Variants in NWD1 observed in about 807,000 individuals in gnomAD.
NWD1 encodes NACHT and WD repeat domain containing 1, also known as NACHT domain- and WD repeat-containing protein 1.
NWD1 carries 129 observed loss-of-function variants against 135.1 expected under a neutral mutation model. The ratio of observed to expected loss-of-function variants is 0.96; its 90% CI spans 0.83 to 1.11. The LOEUF (loss-of-function observed/expected upper bound fraction) is 1.11. NWD1 is among the 50% of genes least tolerant of loss of function. The pLI is 0.00. For synonymous variants in NWD1, 773 were observed against 786.0 expected, an observed-to-expected ratio of 0.98 and a Z score of 0.28; for missense variants, 1,740 against 1,851.3, an observed-to-expected ratio of 0.94 and a Z score of 1.10.
intron 17 of NWD1, among the ~76,000 whole-genome samples, chr19:16,802,496 A>T (rs1257925530): frequency 7.0e-6 from 1 of 143,252 alleles, no homozygotes. Flanking sequence ...GGAAGCTAGC[A>T]CTTCCCTCTC....
At chr19:16,755,763 C>G (rs1169550920) in intron 6 of NWD1, among the ~76,000 whole-genome samples, 1 of 151,542 alleles carries the variant, frequency 6.6e-6, no homozygotes, top group Non-Finnish European at 1.5e-5. Flanking sequence ...CTCTCAAACT[C>G]CTGGGCTCAA....
At chr19:16,729,739 T>G (rs1205682271) in intron 2 of NWD1, among the ~76,000 whole-genome samples, 1 of 150,754 alleles carries the variant, frequency 6.6e-6, no homozygotes, top group Non-Finnish European at 1.5e-5. Context: ...TGTGGTGGTG[T>G]GCGCCTGTAA....
intron 18 of NWD1, among the ~76,000 whole-genome samples, chr19:16,813,572 G>A (rs763927023): frequency 4.6e-5 from 7 of 152,038 alleles, no homozygotes; most frequent in Non-Finnish European, 8.8e-5. Context: ...TGCCTCCCAG[G>A]TTCAAGTGAT....
chr19:16,786,313 C>A (rs1970040045), intron 12 of NWD1, among the ~76,000 whole-genome samples: 1 of 151,768 alleles, frequency 6.6e-6, no homozygotes, highest in African/African-American at 2.4e-5. Flanking sequence ...CAGTCATATC[C>A]TTGTTCTGTT....
chr19:16,734,548 A>T (rs1459667035), intron 3 of NWD1, among the ~76,000 whole-genome samples: 1 of 142,586 alleles, frequency 7.0e-6, no homozygotes, highest in East Asian at 2.0e-4. Context: ...AAAAAAAAAA[A>T]GATTTTCTTT....
rs746027154 is a variant in NWD1 at position 16,773,217 on chromosome 19, C to A, written c.2502C>A (p.Ala834=). ...PALVGQLCQQ[A]QSWFQLCAHP... ...TGGTGGGACAGCTATGCCAACAGGCCCAGAGCTGGTTCCAGTTGTGCGCAC... is the reference window on the plus strand; with the variant it reads ...TGGTGGGACAGCTATGCCAACAGGCACAGAGCTGGTTCCAGTTGTGCGCAC... Residue 834 remains alanine (A), a synonymous_variant, in exon 11 of 19, where the codon GCC becomes GCA. Transcript: ENST00000524140. 1 of 1,613,680 alleles carries A rather than the reference C, an allele frequency of 6.2e-7. No individual in the cohort carries two copies. Among genetic ancestry groups the A allele is most frequent in the Admixed American group, 1.7e-5 (1 of 59,992 alleles).
intron 10 of NWD1, among the ~76,000 whole-genome samples, chr19:16,767,067 G>T (rs1253670138): frequency 6.6e-6 from 1 of 151,990 alleles, no homozygotes; most frequent in Non-Finnish European, 1.5e-5. Context: ...CCCAAGACTG[G>T]GTAATTTACA....
At chr19:16,736,846 T>A (rs1967841961) in intron 4 of NWD1, 96 bp downstream of exon 4, 1 of 771,668 alleles carries the variant, frequency 1.3e-6, no homozygotes, top group Non-Finnish European at 2.2e-6. Flanking sequence ...GTAGGTACCG[T>A]TTCTGCTTTC....
intron 6 of NWD1, among the ~76,000 whole-genome samples, chr19:16,756,863 C>A (rs866867686): frequency 6.6e-6 from 1 of 152,140 alleles, no homozygotes; most frequent in Non-Finnish European, 1.5e-5. Context: ...CGAGCTCCCC[C>A]TCTTGTCAGG....
At chr19:16,767,012 T>G (rs1029353135) in intron 10 of NWD1, among the ~76,000 whole-genome samples, 5 of 152,092 alleles carry the variant, frequency 3.3e-5, no homozygotes, top group African/African-American at 4.8e-5. Flanking sequence ...TCATTAAACA[T>G]TCACTCCCTG....
intron 4 of NWD1, among the ~76,000 whole-genome samples, chr19:16,737,594 G>C (rs949265361): frequency 4.1e-5 from 6 of 147,982 alleles, no homozygotes; most frequent in Admixed American, 1.4e-4. Context: ...GATGGGTCTT[G>C]CTATGTTGCC....
intron 10 of NWD1, among the ~76,000 whole-genome samples, chr19:16,770,598 A>C (rs1969381804): frequency 6.6e-6 from 1 of 151,856 alleles, no homozygotes; most frequent in Admixed American, 6.6e-5. Flanking sequence ...TGACCTTGCA[A>C]ACCCTTTACC....
intron 13 of NWD1, among the ~76,000 whole-genome samples, chr19:16,790,615 A>C (rs1335674730): frequency 6.8e-6 from 1 of 147,114 alleles, no homozygotes; most frequent in Non-Finnish European, 1.5e-5. Context: ...CATGTATCCC[A>C]AAACTGAAAG....
chr19:16,811,727 G>A (rs1001717250), intron 18 of NWD1, among the ~76,000 whole-genome samples: 1 of 152,210 alleles, frequency 6.6e-6, no homozygotes. Flanking sequence ...GGTTGGGGTA[G>A]TATCTGTGCT....
At chr19:16,726,781 A>G (rs895402776) in intron 2 of NWD1, among the ~76,000 whole-genome samples, 3 of 152,170 alleles carry the variant, frequency 2.0e-5, no homozygotes, top group Admixed American at 6.6e-5. Flanking sequence ...GACAACTGGG[A>G]ACAGATCATT....
intron 8 of NWD1, 152 bp downstream of exon 8, chr19:16,762,290 C>G (rs1599485207): frequency 3.3e-6 from 2 of 609,080 alleles, no homozygotes; most frequent in African/African-American, 2.0e-5. Context: ...TACTGTCCCC[C>G]CCACTCCTTT....
At chr19:16,784,602 C>A (rs901447358) in intron 12 of NWD1, among the ~76,000 whole-genome samples, 3 of 151,906 alleles carry the variant, frequency 2.0e-5, no homozygotes, top group Non-Finnish European at 4.4e-5. Context: ...GCAAGGAAAT[C>A]ATGAGGCTGG....
intron 18 of NWD1, among the ~76,000 whole-genome samples, chr19:16,813,207 G>C (rs1208524719): frequency 6.6e-6 from 1 of 152,096 alleles, no homozygotes; most frequent in Non-Finnish European, 1.5e-5. Flanking sequence ...AGATGGAGCT[G>C]AGAAGAGTGA....
At chr19:16,774,570 A>T (rs1957517825) in intron 11 of NWD1, among the ~76,000 whole-genome samples, 1 of 150,856 alleles carries the variant, frequency 6.6e-6, no homozygotes, top group Non-Finnish European at 1.5e-5. Flanking sequence ...TCATCGATTC[A>T]TCAAATCATT....
Sources: allele counts gnomAD v4.1 joint callset (sites outside exome capture counted in the v4.1 genomes callset), GRCh38; gene constraint gnomAD v4.1.1; transcripts MANE v1.5; gene names NCBI Gene and HGNC (gene_info 2026-07-23, HGNC 2026-07-21).